The following EPHA6 variants were observed in gnomAD, a reference collection of about 807,000 sequenced individuals.
The protein encoded by EPHA6 is ephrin type-A receptor 6.
A neutral mutation model predicts 112.0 loss-of-function variants in EPHA6; 50 were observed. The ratio of observed to expected loss-of-function variants is 0.45; its 90% CI spans 0.36 to 0.56. The LOEUF is 0.56. Among genes scored for constraint, EPHA6 ranks in the 20% least tolerant of loss-of-function variants. EPHA6 has a pLI of 0.00. For missense variants in EPHA6, 1,280 were observed against 1,417.4 expected, an observed-to-expected ratio of 0.90 and a Z score of 1.56; for synonymous variants, 529 against 490.7, an observed-to-expected ratio of 1.08 and a Z score of -1.03.
At chr3:97,206,586 T>C (rs1371040773) in intron 3 of EPHA6, among the ~76,000 whole-genome samples, 1 of 152,074 alleles carries the variant, frequency 6.6e-6, no homozygotes, top group Non-Finnish European at 1.5e-5. Flanking sequence ...ATCTCCAGGC[T>C]AAGAAGCTGA....
chr3:96,951,308 TGTTAA>T (rs1170146794), intron 2 of EPHA6, among the ~76,000 whole-genome samples: 2 of 152,124 alleles, frequency 1.3e-5, no homozygotes, highest in Non-Finnish European at 2.9e-5. Context: ...AATATGCCTT[TGTTAA>T]GTTTTTTATT....
At chr3:97,398,993 T>C (rs1483237364) in intron 5 of EPHA6, among the ~76,000 whole-genome samples, 1 of 151,592 alleles carries the variant, frequency 6.6e-6, no homozygotes, top group East Asian at 1.9e-4. Context: ...TTTAAAAATA[T>C]GCAATAGCTT....
At chr3:97,049,531 G>A (rs755987195) in intron 3 of EPHA6, among the ~76,000 whole-genome samples, 7 of 152,250 alleles carry the variant, frequency 4.6e-5, no homozygotes, top group Admixed American at 2.0e-4. Flanking sequence ...TAGTAATCTC[G>A]TTTTACAAGT....
intron 5 of EPHA6, among the ~76,000 whole-genome samples, chr3:97,385,940 C>G (rs994512562): frequency 6.6e-6 from 1 of 152,072 alleles, no homozygotes; most frequent in South Asian, 2.1e-4. Context: ...CTACCAGGCC[C>G]CTTCACCAAC....
intron 3 of EPHA6, among the ~76,000 whole-genome samples, chr3:97,185,065 T>C (rs539038556): frequency 6.6e-5 from 10 of 152,046 alleles, no homozygotes; most frequent in East Asian, 3.9e-4. Context: ...AAAATTAATT[T>C]AAGATGGATT....
intron 5 of EPHA6, among the ~76,000 whole-genome samples, chr3:97,283,549 G>A (rs1051137968): frequency 2.0e-5 from 3 of 151,932 alleles, no homozygotes; most frequent in East Asian, 3.9e-4. Flanking sequence ...TAGAAATGGT[G>A]ATTATAATAT....
At chr3:96,838,078 C>T (rs1167355325) in intron 1 of EPHA6, among the ~76,000 whole-genome samples, 1 of 151,638 alleles carries the variant, frequency 6.6e-6, no homozygotes, top group African/African-American at 2.4e-5. Flanking sequence ...TTCTGCGCCC[C>T]CCTGCCCCCC....
chr3:97,521,171 A>T lies in EPHA6; in HGVS notation c.2201-11187A>T, dbSNP rs769142205. ...TATCTCATTGAGCTTCTTTAACATC[A>T]TTATTTTTCTCTGATTTTATAAATT... On this transcript the variant is annotated intron_variant, in intron 10 of 17. Coordinates refer to ENST00000389672, the MANE Select transcript of EPHA6 (RefSeq NM_001080448.3). 1.4e-4 allele frequency among the ~76,000 whole-genome samples: 21 copies of T among 148,548 alleles called. 1 individual carries two copies. Among genetic ancestry groups the T allele is most frequent in the South Asian group, 8.6e-4 (4 of 4,678 alleles).
intron 2 of EPHA6, among the ~76,000 whole-genome samples, chr3:96,940,066 A>C (rs952883524): frequency 1.3e-5 from 2 of 152,146 alleles, no homozygotes; most frequent in African/African-American, 4.8e-5. Flanking sequence ...GTGCTGAAAA[A>C]AAATGTATAT....
chr3:97,116,973 C>T (rs374826208), intron 3 of EPHA6, among the ~76,000 whole-genome samples: 1 of 151,666 alleles, frequency 6.6e-6, no homozygotes, highest in African/African-American at 2.4e-5. Context: ...GTTACCTTTT[C>T]TCCACATCCT....
chr3:97,445,074 A>T (rs759774646), intron 6 of EPHA6, among the ~76,000 whole-genome samples: 1 of 151,358 alleles, frequency 6.6e-6, no homozygotes, highest in South Asian at 2.1e-4. Context: ...GTTCCAAACT[A>T]TTTTTTTTTA....
chr3:97,620,310 A>G (rs2107499532), intron 13 of EPHA6, among the ~76,000 whole-genome samples: 1 of 152,208 alleles, frequency 6.6e-6, no homozygotes, highest in Middle Eastern at 3.4e-3. Context: ...AAAAATATAA[A>G]AACCCTGGAA....
At chr3:96,818,393 G>A (rs900057562) in intron 1 of EPHA6, among the ~76,000 whole-genome samples, 3 of 151,930 alleles carry the variant, frequency 2.0e-5, no homozygotes, top group Non-Finnish European at 4.4e-5. Context: ...TCAAAGTATG[G>A]TATGGGTAAG....
chr3:97,680,575 A>G (rs1253255158), intron 14 of EPHA6, among the ~76,000 whole-genome samples: 2 of 152,226 alleles, frequency 1.3e-5, no homozygotes, highest in East Asian at 3.8e-4. Flanking sequence ...CCAACCTCTC[A>G]GTAATTTCAG....
At chr3:96,944,645 T>TA (rs776648837) in intron 2 of EPHA6, among the ~76,000 whole-genome samples, 6 of 152,166 alleles carry the variant, frequency 3.9e-5, no homozygotes, top group Admixed American at 3.3e-4. Context: ...GATCAAGAGA[T>TA]ATGCAGTTTT....
At chr3:97,080,719 T>G (rs1470914703) in intron 3 of EPHA6, among the ~76,000 whole-genome samples, 1 of 152,066 alleles carries the variant, frequency 6.6e-6, no homozygotes, top group African/African-American at 2.4e-5. Flanking sequence ...ACACATACAA[T>G]GTTTCATATG....
intron 2 of EPHA6, among the ~76,000 whole-genome samples, chr3:96,886,864 T>C (rs2037655099): frequency 6.6e-6 from 1 of 152,210 alleles, no homozygotes. Context: ...TTTTACCAGT[T>C]CTTGGTAAAA....
intron 5 of EPHA6, among the ~76,000 whole-genome samples, chr3:97,337,152 A>C (rs1461004843): frequency 6.6e-6 from 1 of 152,112 alleles, no homozygotes; most frequent in African/African-American, 2.4e-5. Flanking sequence ...AGATTGATGG[A>C]TTTACTGTTA....
At chr3:97,083,908 A>T (rs2046802982) in intron 3 of EPHA6, among the ~76,000 whole-genome samples, 2 of 151,596 alleles carry the variant, frequency 1.3e-5, no homozygotes, top group South Asian at 2.1e-4. Flanking sequence ...ACTAGCAAAA[A>T]TGACAAGGTA....
Sources: gnomAD v4.1 joint callset for allele counts (sites outside exome capture counted in the v4.1 genomes callset) on GRCh38, gnomAD v4.1.1 for gene constraint, MANE v1.5 for transcripts, NCBI Gene and HGNC (gene_info 2026-07-23, HGNC 2026-07-21) for gene names.